The following GALNT13 variants were observed in gnomAD, a reference collection of about 807,000 sequenced individuals.
GALNT13 encodes the protein UDP-GalNAc:polypeptide N-acetylgalactosaminyltransferase 13.
Under a neutral mutation model 64.2 loss-of-function variants are expected in GALNT13, and 28 were observed. The observed-to-expected ratio is 0.44, with a 90% CI of 0.32 to 0.60. GALNT13 has a LOEUF of 0.60. Ranked by LOEUF, GALNT13 falls within the 20% of genes least tolerant of loss-of-function variation. The probability of loss-of-function intolerance (pLI) is 0.05; values close to 1 mark genes in which losing one functional copy is unlikely to be tolerated. For missense variants in GALNT13, 577 were observed against 669.8 expected (o/e 0.86, Z 1.53); for synonymous variants, 214 against 224.6 (o/e 0.95, Z 0.42).
At chr2:153,523,686 C>A in the GALNT13 span, among the ~76,000 whole-genome samples, 4 of 152,176 alleles carry the variant, frequency 2.6e-5, no homozygotes, top group African/African-American at 4.8e-5. Context: ...ATGCTGTAAT[C>A]ACTTACCAGT....
chr2:153,745,719 T>A, the GALNT13 span, among the ~76,000 whole-genome samples: 1 of 152,118 alleles, frequency 6.6e-6, no homozygotes, highest in Non-Finnish European at 1.5e-5. Context: ...CTCCTATTTT[T>A]GGTTTGTTGT....
At chr2:153,266,584 G>A in the GALNT13 span, among the ~76,000 whole-genome samples, 5 of 151,810 alleles carry the variant, frequency 3.3e-5, no homozygotes, top group Admixed American at 3.3e-4. Flanking sequence ...GAGAGAGAGA[G>A]AGCTCGAGTG....
the GALNT13 span, among the ~76,000 whole-genome samples, chr2:153,111,906 T>C: frequency 1.3e-5 from 2 of 152,164 alleles, no homozygotes; most frequent in East Asian, 3.8e-4. Context: ...TTGTAAGAAA[T>C]CTAATACTTA....
the GALNT13 span, among the ~76,000 whole-genome samples, chr2:153,372,388 C>T: frequency 6.1e-4 from 93 of 152,270 alleles, no homozygotes; most frequent in African/African-American, 2.1e-3. Context: ...TGGCTCACGC[C>T]TATAATCCCA....
At chr2:153,244,925 G>C in the GALNT13 span, among the ~76,000 whole-genome samples, 1 of 152,238 alleles carries the variant, frequency 6.6e-6, no homozygotes, top group Non-Finnish European at 1.5e-5. Flanking sequence ...CACCTGGGAT[G>C]ATTGAGCTTG....
At chr2:153,542,383 C>T in the GALNT13 span, among the ~76,000 whole-genome samples, 1 of 151,488 alleles carries the variant, frequency 6.6e-6, no homozygotes, top group Non-Finnish European at 1.5e-5. Context: ...GAAGTAGAAG[C>T]ACATTTTATT....
chr2:153,264,119 A>G, the GALNT13 span, among the ~76,000 whole-genome samples: 1 of 152,254 alleles, frequency 6.6e-6, no homozygotes, highest in Non-Finnish European at 1.5e-5. Flanking sequence ...CCCATTAAAA[A>G]GTGGGCATAG....
At chr2:154,316,526 A>G (rs1050833843) in intron 9 of GALNT13, among the ~76,000 whole-genome samples, 1 of 152,166 alleles carries the variant, frequency 6.6e-6, no homozygotes, top group Non-Finnish European at 1.5e-5. Context: ...GTCTCAGTCC[A>G]TTTTCTTTTG....
At chr2:154,390,197 A>G (rs183982575) in intron 9 of GALNT13, among the ~76,000 whole-genome samples, 1 of 152,348 alleles carries the variant, frequency 6.6e-6, no homozygotes, top group Admixed American at 6.5e-5. Flanking sequence ...ATTTAATACT[A>G]TAATGCAATA....
the GALNT13 span, among the ~76,000 whole-genome samples, chr2:153,119,002 T>C: frequency 6.6e-6 from 1 of 151,980 alleles, no homozygotes; most frequent in African/African-American, 2.4e-5. Context: ...AGTGAATGAG[T>C]TCTCATGAAG....
At chr2:154,303,549 GGGCT>G (rs1266408169) in intron 9 of GALNT13, among the ~76,000 whole-genome samples, 1 of 151,680 alleles carries the variant, frequency 6.6e-6, no homozygotes, top group Non-Finnish European at 1.5e-5. Context: ...AATGATTTTA[GGGCT>G]GCTTTTCATT....
chr2:154,280,605 C>T lies in GALNT13; in HGVS notation c.976-20804C>T, dbSNP rs376359551. Among the ~76,000 whole-genome samples, 6 of 152,304 alleles carry T rather than the reference C, an allele frequency of 3.9e-5. No homozygotes were observed. In the South Asian group the frequency reaches 6.2e-4, roughly 16 times the overall value. ...AGACTGAAGGAAAACTTTTTCTGAG[C>T]TACCAGGTTTTCTTTTCCACTCAAG... On this transcript the variant is annotated intron_variant, in intron 8 of 12. Coordinates refer to ENST00000392825, the MANE Select transcript of GALNT13 (RefSeq NM_052917.4).
At chr2:153,157,829 T>C in the GALNT13 span, among the ~76,000 whole-genome samples, 23 of 152,318 alleles carry the variant, frequency 1.5e-4, no homozygotes, top group Non-Finnish European at 3.1e-4. Flanking sequence ...AACACAAGTA[T>C]AACAAGGTTC....
the GALNT13 span, among the ~76,000 whole-genome samples, chr2:153,088,198 T>A: frequency 6.6e-6 from 1 of 152,256 alleles, no homozygotes; most frequent in East Asian, 1.9e-4. Context: ...TTGTTTCATA[T>A]TCATCCTCAT....
At chr2:154,091,317 G>T (rs10196038) in intron 3 of GALNT13, among the ~76,000 whole-genome samples, 35,893 of 151,512 alleles carry the variant, frequency 0.24, 4,610 homozygotes, top group Non-Finnish European at 0.28. Flanking sequence ...AATTTTTAAC[G>T]TTCTGTTCTT....
At chr2:154,304,657 A>C (rs1462625167) in intron 9 of GALNT13, among the ~76,000 whole-genome samples, 6 of 152,242 alleles carry the variant, frequency 3.9e-5, no homozygotes, top group Admixed American at 3.3e-4. Context: ...TTTAGAATGT[A>C]AAGCATGGGA....
At chr2:153,401,357 AT>A in the GALNT13 span, among the ~76,000 whole-genome samples, 2 of 151,914 alleles carry the variant, frequency 1.3e-5, no homozygotes, top group African/African-American at 4.8e-5. Flanking sequence ...TAAGTGGTCA[AT>A]TTTGGAATAG....
chr2:154,011,100 A>C (rs1237021726), intron 3 of GALNT13, among the ~76,000 whole-genome samples: 6 of 151,834 alleles, frequency 4.0e-5, no homozygotes, highest in Non-Finnish European at 7.4e-5. Flanking sequence ...CATTCAATTC[A>C]GATCTGATTT....
intron 3 of GALNT13, among the ~76,000 whole-genome samples, chr2:154,056,112 G>C (rs1699880745): frequency 6.6e-6 from 1 of 152,028 alleles, no homozygotes; most frequent in South Asian, 2.1e-4. Flanking sequence ...GCTTAGAGCT[G>C]TGCAATTTTT....
Sources: gnomAD v4.1 joint callset for allele counts (sites outside exome capture counted in the v4.1 genomes callset) on GRCh38, gnomAD v4.1.1 for gene constraint, MANE v1.5 for transcripts, NCBI Gene and HGNC (gene_info 2026-07-23, HGNC 2026-07-21) for gene names.